SMAD1: variants seen among roughly 807,000 people sequenced by gnomAD.
SMAD1 encodes the protein SMAD family member 1.
Under a neutral mutation model 41.6 loss-of-function variants are expected in SMAD1, and 6 were observed. The observed-to-expected ratio is 0.14, with a 90% confidence interval of 0.08 to 0.28. The LOEUF (loss-of-function observed/expected upper bound fraction) is 0.28, where lower values mean the gene tolerates loss of function less well. Among genes scored for constraint, SMAD1 ranks in the 10% least tolerant of loss-of-function variants. The pLI, the probability that SMAD1 is intolerant of heterozygous loss-of-function variation, is 1.00. For missense variants in SMAD1, 379 were observed against 582.6 expected (o/e 0.65, Z 3.60); for synonymous variants, 206 against 203.2 (o/e 1.01, Z -0.12).
chr4:145,540,902 A>G (rs142941497), intron 3 of SMAD1, among the ~76,000 whole-genome samples: 250 of 152,312 alleles, frequency 1.6e-3, no homozygotes, highest in African/African-American at 5.7e-3. Flanking sequence ...TGAATTCAAC[A>G]TCAGTGCTAG....
intron 2 of SMAD1, among the ~76,000 whole-genome samples, chr4:145,538,901 C>T (rs11937875): frequency 0.076 from 11,614 of 152,082 alleles, 1,347 homozygotes; most frequent in African/African-American, 0.25. Context: ...AGCCCTGCCT[C>T]TCCAGGATAA....
chr4:145,547,992 G>C (rs934478300), intron 5 of SMAD1, among the ~76,000 whole-genome samples: 2 of 152,070 alleles, frequency 1.3e-5, no homozygotes, highest in African/African-American at 4.8e-5. Flanking sequence ...CCCACTAAAA[G>C]GAACTAGGGC....
rs1367202845 is a variant in SMAD1 at position 145,482,469 on chromosome 4, G to C, written c.-177+431G>C. 6.6e-6 allele frequency: 1 copy of C among 152,010 alleles called. No homozygotes were observed. Among genetic ancestry groups the C allele is most frequent in the African/African-American group, 2.4e-5 (1 of 41,398 alleles). The allele number at this position is 152,010 out of a possible 1,614,324, so 9.4% of individuals were successfully genotyped here. The stretch of plus-strand genomic sequence containing the variant: ...GCTGCCGCCGGGCCGAGGCCCGTTC[G>C]CGTGGCCCGCGGACCCATTGTGTCC... On this transcript the variant is annotated intron_variant, in intron 1 of 6. Transcript: ENST00000302085. The surrounding 1 kb of genome is among the most constrained non-coding windows in gnomAD (Gnocchi z 4.2).
chr4:145,516,606 C>A (rs1730404465), intron 2 of SMAD1, among the ~76,000 whole-genome samples: 1 of 152,150 alleles, frequency 6.6e-6, no homozygotes, highest in African/African-American at 2.4e-5. Flanking sequence ...GTGCTGAATT[C>A]TCCTTACCAG....
intron 1 of SMAD1, among the ~76,000 whole-genome samples, chr4:145,502,229 G>C (rs142995001): frequency 0.023 from 3,484 of 152,250 alleles, 62 homozygotes; most frequent in Non-Finnish European, 0.032. Flanking sequence ...ACATGAATGT[G>C]AATGGCCTTT....
At chr4:145,554,153 T>G in intron 6 of SMAD1, 113 bp downstream of exon 6, 1 of 975,758 alleles carries the variant, frequency 1.0e-6, no homozygotes, top group Non-Finnish European at 1.5e-6. Context: ...ATTATCATAT[T>G]AGCTGACTTA....
rs114731804 is a variant in SMAD1, at chr4:145,494,783, T to C, written c.-177+12745T>C. Among the ~76,000 whole-genome samples, 1,388 of 152,356 alleles carry C rather than the reference T, an allele frequency of 9.1e-3. 32 individuals are homozygous for C. The highest frequency in any genetic ancestry group is 0.031 in the African/African-American group (1,297 of 41,582). On this transcript the variant is annotated intron_variant, in intron 1 of 6. Transcript: ENST00000302085. ...GTATGTTGTGAGTTCATTGTAGTTA[T>C]GAACCATGTCTTTTATACTCTGTAG...
intron 1 of SMAD1, among the ~76,000 whole-genome samples, chr4:145,493,465 ATTTAG>A (rs1388860362): frequency 6.6e-6 from 1 of 152,130 alleles, no homozygotes; most frequent in Non-Finnish European, 1.5e-5. Flanking sequence ...CAGGGCTTCT[ATTTAG>A]TTTATTCAAG....
intron 2 of SMAD1, among the ~76,000 whole-genome samples, chr4:145,521,900 T>TAAA (rs10713518): frequency 7.3e-5 from 9 of 124,080 alleles, no homozygotes; most frequent in African/African-American, 2.5e-4. Context: ...TGGTTTTCTG[T>TAAA]AAAAAAAAAA....
chr4:145,542,834 A>G (rs1732028306), intron 4 of SMAD1, 136 bp downstream of exon 4: 1 of 569,084 alleles, frequency 1.8e-6, no homozygotes, highest in Non-Finnish European at 3.1e-6. Flanking sequence ...AGAGAAGCTC[A>G]CTACAATTGC....
At chr4:145,549,677 G>A (rs1476463044) in intron 5 of SMAD1, among the ~76,000 whole-genome samples, 1 of 152,182 alleles carries the variant, frequency 6.6e-6, no homozygotes, top group African/African-American at 2.4e-5. Context: ...ATTTAGAACA[G>A]TGGACCAGAT....
Position 145,519,485 on chromosome 4 carries a change from C to A in SMAD1, c.400+4472C>A, listed in dbSNP as rs1730615393. ...CCTAAGCAACATAGCAAGACCCCGTCTTAATTTTTTTTTTTTTTAATTAGC... is the reference window on the plus strand; with the variant it reads ...CCTAAGCAACATAGCAAGACCCCGTATTAATTTTTTTTTTTTTTAATTAGC... On this transcript the variant is annotated intron_variant, in intron 2 of 6. Coordinates refer to ENST00000302085, the MANE Select transcript of SMAD1 (RefSeq NM_005900.3). Among the ~76,000 whole-genome samples the A allele has an allele frequency of 3.3e-5, 5 of 150,644 alleles. No homozygotes were observed. The South Asian group carries it at 1.1e-3, about 32-fold the overall frequency.
At chr4:145,527,508 C>T (rs780488703) in intron 2 of SMAD1, among the ~76,000 whole-genome samples, 52 of 152,142 alleles carry the variant, frequency 3.4e-4, no homozygotes, top group Non-Finnish European at 6.2e-4. Context: ...CAGGCGTGAG[C>T]CACCGCGCCC....
intron 1 of SMAD1, among the ~76,000 whole-genome samples, chr4:145,502,543 A>G (rs1329679878): frequency 6.6e-6 from 1 of 152,240 alleles, no homozygotes; most frequent in Non-Finnish European, 1.5e-5. Flanking sequence ...CAGGTACTCT[A>G]TTAGCAGCCT....
chr4:145,524,725 C>T (rs913643392), intron 2 of SMAD1, among the ~76,000 whole-genome samples: 4 of 151,790 alleles, frequency 2.6e-5, no homozygotes, highest in Non-Finnish European at 5.9e-5. Context: ...CTGTCTTCCA[C>T]CCTCCATTGC....
chr4:145,533,083 C>T (rs1004770753), intron 2 of SMAD1, among the ~76,000 whole-genome samples: 10 of 152,204 alleles, frequency 6.6e-5, no homozygotes, highest in African/African-American at 2.4e-4. Flanking sequence ...CAGGATTCCA[C>T]ACAGGGAGAG....
intron 2 of SMAD1, among the ~76,000 whole-genome samples, chr4:145,524,872 GAAAA>G (rs1730944610): frequency 6.6e-6 from 1 of 151,510 alleles, no homozygotes; most frequent in South Asian, 2.1e-4. Flanking sequence ...TAAATTAAAA[GAAAA>G]AAACCAGGCC....
intron 2 of SMAD1, among the ~76,000 whole-genome samples, chr4:145,522,084 G>T (rs1232353578): frequency 4.6e-5 from 7 of 152,058 alleles, no homozygotes; most frequent in African/African-American, 1.7e-4. Flanking sequence ...AAGGCGGGCG[G>T]ATCACGAGGT....
At chr4:145,487,986 T>G (rs1728564876) in intron 1 of SMAD1, among the ~76,000 whole-genome samples, 1 of 152,210 alleles carries the variant, frequency 6.6e-6, no homozygotes, top group Non-Finnish European at 1.5e-5. Flanking sequence ...ATAATTTTTG[T>G]TATAAGCTAA....
Sources: gnomAD v4.1 joint callset for allele counts (sites outside exome capture counted in the v4.1 genomes callset) on GRCh38, gnomAD v4.1.1 for gene constraint, Gnocchi (gnomAD v3.1) non-coding constraint, MANE v1.5 for transcripts, NCBI Gene and HGNC (gene_info 2026-07-23, HGNC 2026-07-21) for gene names.